Variants in MPC1 observed in about 807,000 individuals in gnomAD.
The protein encoded by MPC1 is HSPC040 protein.
Under a neutral mutation model 13.9 loss-of-function variants are expected in MPC1, and 6 were observed. The ratio of observed to expected loss-of-function variants is 0.43; its 90% confidence interval spans 0.24 to 0.85. The LOEUF (loss-of-function observed/expected upper bound fraction) is 0.85, where lower values mean the gene tolerates loss of function less well. Ranked by LOEUF, MPC1 falls within the 40% of genes least tolerant of loss-of-function variation. The pLI, the probability that MPC1 is intolerant of heterozygous loss-of-function variation, is 0.24. For synonymous variants in MPC1, 47 were observed against 50.5 expected, an observed-to-expected ratio of 0.93 and a Z score of 0.29; for missense variants, 115 against 143.3, an observed-to-expected ratio of 0.80 and a Z score of 1.01.
chr6:166,378,975 GT>G (rs1779668731), intron 1 of MPC1, among the ~76,000 whole-genome samples: 1 of 152,086 alleles, frequency 6.6e-6, no homozygotes, highest in Non-Finnish European at 1.5e-5. Flanking sequence ...CATCACCTAG[GT>G]TTAACGGTAT....
At chr6:166,377,552 T>C (rs568717638) in intron 1 of MPC1, among the ~76,000 whole-genome samples, 1 of 152,218 alleles carries the variant, frequency 6.6e-6, no homozygotes, top group Non-Finnish European at 1.5e-5. Flanking sequence ...ACTAAAAGGA[T>C]CCAACTGACA....
chr6:166,377,674 C>G (rs936812663), intron 1 of MPC1, among the ~76,000 whole-genome samples: 1 of 152,054 alleles, frequency 6.6e-6, no homozygotes, highest in Admixed American at 6.5e-5. Flanking sequence ...CAAATTTTGT[C>G]TAGTTTTCTA....
intron 1 of MPC1, among the ~76,000 whole-genome samples, chr6:166,372,557 C>A (rs1407516234): frequency 6.6e-6 from 1 of 152,172 alleles, no homozygotes; most frequent in African/African-American, 2.4e-5. Context: ...GTAAAACAAT[C>A]TGAGAGTAAA....
At position 166,366,868 on chromosome 6, in the gene MPC1, G is replaced by A. The variant is rs1302382485; in HGVS notation, c.99C>T (p.Asn33=). The change falls in exon 3 of 5, where the codon AAC becomes AAT. Residue 33 remains asparagine (N), a synonymous_variant. Transcript: ENST00000360961. ...TGATGGCAGCAATGGGAAGACCCCA[G>A]TTGGCTACTGGGCCCCAGAAGTGCT... The part of the protein sequence containing the change: ...MSTHFWGPVA[N]WGLPIAAIND... The A allele has an allele frequency of 6.2e-7, 1 of 1,614,112 alleles. No individual in the cohort carries two copies. Among genetic ancestry groups the A allele is most frequent in the Admixed American group, 1.7e-5 (1 of 60,028 alleles).
intron 1 of MPC1, among the ~76,000 whole-genome samples, chr6:166,370,832 A>G (rs1431469356): frequency 6.6e-6 from 1 of 151,656 alleles, no homozygotes; most frequent in African/African-American, 2.4e-5. Flanking sequence ...CCCTGTCTGG[A>G]AAAAAAAAGG....
In MPC1 at chr6:166,382,793, C is replaced by A. The variant is rs776472438; in HGVS notation, c.71+13G>T. The A allele has an allele frequency of 3.8e-6, 6 of 1,579,442 alleles. No individual in the cohort carries two copies. Among genetic ancestry groups the A allele is most frequent in the South Asian group, 2.3e-5 (2 of 86,534 alleles). ...CCTCCGGGTTGCGGGGTTCGGCCTGCGGCGCTCGTCACCTCATGAGGTAGT... is the reference window on the plus strand; with the variant it reads ...CCTCCGGGTTGCGGGGTTCGGCCTGAGGCGCTCGTCACCTCATGAGGTAGT... On this transcript the variant is annotated intron_variant, in intron 1 of 4. Coordinates refer to ENST00000360961, the MANE Select transcript of MPC1 (RefSeq NM_016098.4).
intron 1 of MPC1, among the ~76,000 whole-genome samples, chr6:166,373,468 T>C (rs1779458125): frequency 6.6e-6 from 1 of 152,240 alleles, no homozygotes. Flanking sequence ...AGCTCACTTT[T>C]TAGTGCTGAA....
In MPC1 at chr6:166,382,912, C is replaced by G; in HGVS notation, c.-36G>C. 6.3e-7 allele frequency: 1 copy of G among 1,574,912 alleles called. No individual in the cohort carries two copies. The highest frequency in any genetic ancestry group is 8.6e-7 in the Non-Finnish European group (1 of 1,162,990). ...ACACCAGACCCCGAGTGGTCCCTGCCTCTGCTGCCGCTTCCCAGAGCCAAT... is the reference window on the plus strand; with the variant it reads ...ACACCAGACCCCGAGTGGTCCCTGCGTCTGCTGCCGCTTCCCAGAGCCAAT... On this transcript the variant is annotated 5_prime_UTR_variant, in exon 1 of 5. Coordinates refer to ENST00000360961, the MANE Select transcript of MPC1 (RefSeq NM_016098.4).
chr6:166,373,240 G>A (rs964763378), intron 1 of MPC1, among the ~76,000 whole-genome samples: 3 of 152,084 alleles, frequency 2.0e-5, no homozygotes, highest in Admixed American at 6.6e-5. Flanking sequence ...GATGCCACGC[G>A]TCCATCATCA....
intron 1 of MPC1, among the ~76,000 whole-genome samples, chr6:166,374,244 T>C (rs979746495): frequency 3.9e-5 from 6 of 152,172 alleles, no homozygotes; most frequent in Admixed American, 1.3e-4. Flanking sequence ...CTGCCTGCCT[T>C]GGCCTCCCAA....
At chr6:166,376,666 A>G (rs1178586126) in intron 1 of MPC1, among the ~76,000 whole-genome samples, 2 of 152,178 alleles carry the variant, frequency 1.3e-5, no homozygotes, top group African/African-American at 2.4e-5. Context: ...CCTAAAATTA[A>G]CCATTGCATT....
intron 1 of MPC1, 123 bp downstream of exon 1, chr6:166,382,683 C>T: frequency 9.8e-7 from 1 of 1,022,190 alleles, no homozygotes; most frequent in Non-Finnish European, 1.3e-6. Flanking sequence ...CTCGCCTGGG[C>T]CCCGGCCCAC....
intron 1 of MPC1, 44 bp downstream of exon 1, chr6:166,382,762 G>A: frequency 1.3e-6 from 2 of 1,542,134 alleles, no homozygotes; most frequent in South Asian, 1.2e-5. Flanking sequence ...CAGCCTCCCG[G>A]GAGCCCCTCC....
intron 1 of MPC1, among the ~76,000 whole-genome samples, chr6:166,379,426 G>C (rs1779684950): frequency 6.6e-6 from 1 of 152,094 alleles, no homozygotes; most frequent in Non-Finnish European, 1.5e-5. Context: ...CCCAGGAGTG[G>C]GAGGTTACAG....
chr6:166,382,416 C>G (rs898046201), intron 1 of MPC1, among the ~76,000 whole-genome samples: 1 of 151,518 alleles, frequency 6.6e-6, no homozygotes, highest in Non-Finnish European at 1.5e-5. Flanking sequence ...CTGAAGGGGA[C>G]TCAATGTCAC....
chr6:166,379,645 G>A (rs770382430), intron 1 of MPC1, among the ~76,000 whole-genome samples: 3 of 152,056 alleles, frequency 2.0e-5, no homozygotes, highest in Admixed American at 1.3e-4. Flanking sequence ...TAAAATTCTA[G>A]AACAGCTTTA....
chr6:166,367,299 C>A, intron 2 of MPC1: 2 of 536,532 alleles, frequency 3.7e-6, no homozygotes, highest in Non-Finnish European at 4.9e-6. Flanking sequence ...AATCTATCCA[C>A]ACTCCTTTTC....
chr6:166,382,742 G>T, intron 1 of MPC1, 64 bp downstream of exon 1: 1 of 1,494,144 alleles, frequency 6.7e-7, no homozygotes, highest in Non-Finnish European at 9.0e-7. Flanking sequence ...GTCGCGGACT[G>T]CACGGGTCGC....
rs1180068199 is a variant in MPC1 at position 166,365,998 on chromosome 6, TG to T, written c.280del (p.Gln94ArgfsTer10). ...CTCGTGTTTGATAAGCCGCCCTCCC[TG>T]GATGAGCTGGGCTACTTCATTTGTT... ...HATNEVAQLI[Q>X]GGRLIKHEMT... On this transcript the variant is annotated frameshift_variant, in exon 4 of 5. Transcript: ENST00000360961. LOFTEE classifies it high-confidence loss of function. The surrounding 1 kb of genome is among the most constrained non-coding windows in gnomAD (Gnocchi z 4.2). 2 of 1,613,754 alleles carry T rather than the reference TG, an allele frequency of 1.2e-6. No individual in the cohort carries two copies. The highest frequency in any genetic ancestry group is 1.7e-6 in the Non-Finnish European group (2 of 1,179,802).
Sources: allele counts gnomAD v4.1 joint callset (sites outside exome capture counted in the v4.1 genomes callset), GRCh38; gene constraint gnomAD v4.1.1; non-coding constraint Gnocchi (gnomAD v3.1); transcripts MANE v1.5; gene names NCBI Gene and HGNC (gene_info 2026-07-23, HGNC 2026-07-21).